THOC1: variants seen among roughly 807,000 people sequenced by gnomAD.
THOC1 encodes THO complex 1.
A neutral mutation model predicts 97.3 loss-of-function variants in THOC1; 29 were observed. That is an observed-to-expected ratio of 0.30 (90% CI 0.22 to 0.41). The LOEUF (loss-of-function observed/expected upper bound fraction) is 0.41, where lower values mean the gene tolerates loss of function less well. THOC1 is among the 10% of genes least tolerant of loss of function. THOC1 has a pLI of 1.00. For missense variants in THOC1, 529 were observed against 761.9 expected, an observed-to-expected ratio of 0.69 and a Z score of 3.60; for synonymous variants, 255 against 257.0, an observed-to-expected ratio of 0.99 and a Z score of 0.07.
rs118151495 is a variant in THOC1 at position 227,553 on chromosome 18, C to T, written c.919-652G>A. ...AGCTTTTAGTGAAAATTGCATCATA[C>T]TTGTATTATCACAGAATCTGGATTA... On this transcript the variant is annotated intron_variant, in intron 11 of 20. Coordinates refer to ENST00000261600, the MANE Select transcript of THOC1 (RefSeq NM_005131.3). Among the ~76,000 whole-genome samples, 970 of 151,842 alleles carry T rather than the reference C, an allele frequency of 6.4e-3. 4 individuals are homozygous for T. The highest frequency in any genetic ancestry group is 9.9e-3 in the Non-Finnish European group (671 of 67,976).
chr18:248,342 T>C lies in THOC1; in HGVS notation c.678-385A>G, dbSNP rs115413721. 3.5e-3 allele frequency among the ~76,000 whole-genome samples: 537 copies of C among 152,290 alleles called. 2 individuals carry two copies. The highest frequency in any genetic ancestry group is 0.012 in the African/African-American group (506 of 41,566). On this transcript the variant is annotated intron_variant, in intron 9 of 20. Coordinates refer to ENST00000261600, the MANE Select transcript of THOC1 (RefSeq NM_005131.3). ...CTGGCCTTTTCCTCTTCCTGCTGGC[T>C]AGAATGCAGATGTGAGCGTGAGCCA...
chr18:216,970 G>A (rs879569398), intron 18 of THOC1, among the ~76,000 whole-genome samples: 2 of 152,130 alleles, frequency 1.3e-5, no homozygotes, highest in Admixed American at 1.3e-4. Context: ...TATACAACAG[G>A]AATCATCCAT....
Position 227,530 on chromosome 18 carries a change from CT to C in THOC1, c.919-630del, listed in dbSNP as rs1911335848. On this transcript the variant is annotated intron_variant, in intron 11 of 20. Transcript: ENST00000261600. ...TGATTAGATGGGCTTTTTTTTTTAG[CT>C]TTTAGTGAAAATTGCATCATACTTG... 6.6e-5 allele frequency among the ~76,000 whole-genome samples: 10 copies of C among 151,080 alleles called. No individual in the cohort carries two copies. In the South Asian group the frequency reaches 2.1e-3, roughly 32 times the overall value.
intron 11 of THOC1, among the ~76,000 whole-genome samples, chr18:238,799 C>A (rs1349934435): frequency 6.6e-6 from 1 of 152,026 alleles, no homozygotes; most frequent in Non-Finnish European, 1.5e-5. Context: ...AAATAAATAT[C>A]AAAAATTTAA....
intron 1 of THOC1, among the ~76,000 whole-genome samples, chr18:266,123 T>C (rs977425510): frequency 6.6e-6 from 1 of 152,194 alleles, no homozygotes; most frequent in African/African-American, 2.4e-5. Context: ...AATAAAACCA[T>C]GCTGACAATC....
At chr18:258,121 A>C (rs944514592) in intron 7 of THOC1, among the ~76,000 whole-genome samples, 1 of 152,162 alleles carries the variant, frequency 6.6e-6, no homozygotes, top group African/African-American at 2.4e-5. Context: ...AGAGAAAAAA[A>C]TGTAGATTAT....
At chr18:264,729 C>T (rs1403294888) in intron 3 of THOC1, among the ~76,000 whole-genome samples, 1 of 152,132 alleles carries the variant, frequency 6.6e-6, no homozygotes, top group African/African-American at 2.4e-5. Context: ...GTACTATGGC[C>T]AATAGAAGGG....
At chr18:216,281 C>T (rs1274069616) in intron 19 of THOC1, 2 of 596,926 alleles carry the variant, frequency 3.4e-6, no homozygotes, top group African/African-American at 1.8e-5. Context: ...ACATGCTGTA[C>T]AGAAAATTAT....
intron 11 of THOC1, among the ~76,000 whole-genome samples, chr18:234,955 T>A: frequency 6.6e-6 from 1 of 152,180 alleles, no homozygotes; most frequent in East Asian, 1.9e-4. Flanking sequence ...AATTTTCATT[T>A]ATGGTAGAAA....
At chr18:223,973 T>A in intron 16 of THOC1, 111 bp downstream of exon 16, 1 of 801,810 alleles carries the variant, frequency 1.2e-6, no homozygotes, top group Non-Finnish European at 2.1e-6. Context: ...GCTATCTATG[T>A]GTGTACCAAA....
chr18:215,662 A>G, intron 19 of THOC1, 158 bp from the exon 20 acceptor site: 1 of 600,652 alleles, frequency 1.7e-6, no homozygotes, highest in Non-Finnish European at 3.0e-6. Flanking sequence ...AAGGATCCTA[A>G]GTGGGACTAT....
chr18:259,030 A>T (rs1482561503), intron 7 of THOC1, 150 bp downstream of exon 7: 7 of 623,342 alleles, frequency 1.1e-5, no homozygotes, highest in Non-Finnish European at 2.0e-5. Context: ...ACTGCTATAC[A>T]TTTATAAGTA....
intron 1 of THOC1, among the ~76,000 whole-genome samples, chr18:266,487 AAC>A (rs1183328567): frequency 6.6e-6 from 1 of 152,128 alleles, no homozygotes; most frequent in Non-Finnish European, 1.5e-5. Context: ...AAGCTTGAGA[AAC>A]ACTGAACTAG....
At chr18:216,683 T>C (rs1361783038) in intron 18 of THOC1, 50 bp from the exon 19 acceptor site, 2 of 1,585,174 alleles carry the variant, frequency 1.3e-6, no homozygotes, top group Admixed American at 1.8e-5. Context: ...TATTTCTGTA[T>C]TCCCTTCTGC....
rs955301691 is a variant in THOC1, at chr18:215,607, G to C, written c.1603-103C>G. 5.6e-6 allele frequency: 5 copies of C among 890,758 alleles called. No homozygotes were observed. In the African/African-American group the frequency reaches 6.6e-5, roughly 12 times the overall value. The allele number at this position is 890,758 out of a possible 1,614,324, so 55.2% of individuals were successfully genotyped here. ...ACGGTTGTGAGATTCCAAGTACAGG[G>C]TGCCAGAACCTCACCCCTGAGAGCG... is the stretch of plus-strand genomic sequence containing the variant. On this transcript the variant is annotated intron_variant, in intron 19 of 20. Coordinates refer to ENST00000261600, the MANE Select transcript of THOC1 (RefSeq NM_005131.3).
chr18:228,147 G>C (rs189390561), intron 11 of THOC1, among the ~76,000 whole-genome samples: 1 of 152,052 alleles, frequency 6.6e-6, no homozygotes, highest in Middle Eastern at 3.4e-3. Flanking sequence ...TTAACTCCAC[G>C]GACAGGCCCA....
chr18:224,395 A>G (rs563274469), intron 15 of THOC1, among the ~76,000 whole-genome samples: 3 of 152,170 alleles, frequency 2.0e-5, no homozygotes, highest in Non-Finnish European at 4.4e-5. Context: ...CCTGGCCAAC[A>G]TGGTGAAAGC....
intron 4 of THOC1, among the ~76,000 whole-genome samples, chr18:261,533 G>A (rs1356479015): frequency 6.6e-6 from 1 of 152,134 alleles, no homozygotes; most frequent in African/African-American, 2.4e-5. Context: ...TTGTCTAACA[G>A]GACTCAAACA....
intron 10 of THOC1, 82 bp downstream of exon 10, chr18:247,767 G>T: frequency 1.3e-6 from 1 of 793,314 alleles, no homozygotes; most frequent in Non-Finnish European, 2.1e-6. Context: ...ATAGTGAAAA[G>T]TATGTTAGAC....
Sources: gnomAD v4.1 joint callset for allele counts (sites outside exome capture counted in the v4.1 genomes callset) on GRCh38, gnomAD v4.1.1 for gene constraint, MANE v1.5 for transcripts, NCBI Gene and HGNC (gene_info 2026-07-23, HGNC 2026-07-21) for gene names.